Variants in LYAR observed in about 807,000 individuals in gnomAD.
The protein encoded by LYAR is Ly1 antibody reactive, also known as cell growth-regulating nucleolar protein.
A neutral mutation model predicts 45.2 loss-of-function variants in LYAR; 37 were observed. The ratio of observed to expected loss-of-function variants is 0.82; its 90% CI spans 0.63 to 1.08. LYAR has a LOEUF of 1.08. Ranked by LOEUF, LYAR falls within the 50% of genes least tolerant of loss-of-function variation. The pLI, the probability that LYAR is intolerant of heterozygous loss-of-function variation, is 0.00. For synonymous variants in LYAR, 176 were observed against 155.1 expected, an observed-to-expected ratio of 1.14 and a Z score of -1.00; for missense variants, 493 against 451.0, an observed-to-expected ratio of 1.09 and a Z score of -0.84.
At chr4:4,276,385 C>T (rs1194183770) in intron 6 of LYAR, among the ~76,000 whole-genome samples, 1 of 152,036 alleles carries the variant, frequency 6.6e-6, no homozygotes, top group Non-Finnish European at 1.5e-5. Context: ...AGGACTCAGA[C>T]CTTAAGGCTC....
chr4:4,288,675 G>A (rs557786978), intron 1 of LYAR, among the ~76,000 whole-genome samples: 7 of 152,078 alleles, frequency 4.6e-5, no homozygotes, highest in African/African-American at 1.4e-4. Flanking sequence ...TAGTAGAGAC[G>A]GAGTTTCACC....
chr4:4,276,814 G>A (rs1374145563), intron 6 of LYAR, among the ~76,000 whole-genome samples: 1 of 151,974 alleles, frequency 6.6e-6, no homozygotes, highest in Non-Finnish European at 1.5e-5. Flanking sequence ...CCAAGATCGT[G>A]CCACTGTACT....
chr4:4,273,924 G>A (rs189302313), intron 7 of LYAR, among the ~76,000 whole-genome samples: 68 of 152,248 alleles, frequency 4.5e-4, no homozygotes, highest in African/African-American at 1.6e-3. Flanking sequence ...GCTTATGCTC[G>A]TTCCCTTACT....
intron 8 of LYAR, 100 bp from the exon 9 acceptor site, chr4:4,268,715 G>GA: frequency 1.4e-6 from 1 of 719,890 alleles, no homozygotes. Flanking sequence ...CCCAGGAAAT[G>GA]AGCTAACCCT....
At chr4:4,271,869 G>A (rs1718948977) in intron 8 of LYAR, among the ~76,000 whole-genome samples, 2 of 152,298 alleles carry the variant, frequency 1.3e-5, no homozygotes, top group African/African-American at 4.8e-5. Context: ...AATGATGAAA[G>A]GACTGTGATG....
In LYAR at chr4:4,278,160, T is replaced by C. The variant is rs373221678; in HGVS notation, c.429+1287A>G. 2.0e-5 allele frequency among the ~76,000 whole-genome samples: 3 copies of C among 152,206 alleles called. No homozygotes were observed. In the South Asian group the frequency reaches 6.2e-4, roughly 32 times the overall value. ...TAAAGGCCAATCTAATGATCGGTTA[T>C]ACGGTTTCAAAGGGCCAATTTGTAC... On this transcript the variant is annotated intron_variant, in intron 6 of 9. Transcript: ENST00000343470.
At chr4:4,273,715 G>A (rs1357443267) in intron 7 of LYAR, 46 bp from the exon 8 acceptor site, 5 of 1,136,390 alleles carry the variant, frequency 4.4e-6, no homozygotes, top group Non-Finnish European at 5.3e-6. Context: ...TTGCATTTAC[G>A]CTAGCAGCTA....
rs1296308350 is a variant in LYAR, at chr4:4,274,676, T to C, written c.523A>G (p.Lys175Glu). 6.2e-7 allele frequency: 1 copy of C among 1,614,034 alleles called. No homozygotes were observed. The change falls in exon 7 of 10, where the codon AAA becomes GAA. Residue 175 changes from lysine to glutamate, a missense_variant. Transcript: ENST00000343470. ...TCCCCTTGCTGTTCCACGGCGTCTTTCACTTTGGAGGCTGGAACCTTGGTG... is the reference window on the plus strand; with the variant it reads ...TCCCCTTGCTGTTCCACGGCGTCTTCCACTTTGGAGGCTGGAACCTTGGTG... ...ISTKVPASKV[K>E]DAVEQQGEVK...
In LYAR at chr4:4,274,367, C is replaced by A. The variant is rs757619317; in HGVS notation, c.832G>T (p.Val278Phe). 6.2e-7 allele frequency: 1 copy of A among 1,608,022 alleles called. No homozygotes were observed. Among genetic ancestry groups the A allele is most frequent in the East Asian group, 2.2e-5 (1 of 44,772 alleles). ...AGKRKRRHSE[V>F]ETDSKKKKMK... ...CCCAGAGCGTGAGCTAGCCACTTAC[C>A]TTCCGAGTGCCTCCGCTTCCTCTTC... is the stretch of plus-strand genomic sequence containing the variant. Residue 278 changes from valine to phenylalanine, a missense_variant and splice_region_variant, in exon 7 of 10, where the codon GTT becomes TTT. Physicochemically the swap from Val to Phe is conservative, Grantham distance 50. Coordinates refer to ENST00000343470, the MANE Select transcript of LYAR (RefSeq NM_017816.3).
At chr4:4,285,297 G>A (rs576722320) in intron 2 of LYAR, among the ~76,000 whole-genome samples, 27 of 152,268 alleles carry the variant, frequency 1.8e-4, no homozygotes, top group Admixed American at 1.6e-3. Context: ...GACTACCCTC[G>A]ATGTGCTGCA....
chr4:4,267,995 T>G lies in LYAR; in HGVS notation c.1034A>C (p.Asp345Ala). 1 of 1,612,176 alleles carries G rather than the reference T, an allele frequency of 6.2e-7. No individual in the cohort carries two copies. The highest frequency in any genetic ancestry group is 8.5e-7 in the Non-Finnish European group (1 of 1,179,756). ...TTCCTCTTCGGATCTGTGATGCTCA[T>G]CTGTCACTGTGTAGTACTGAGCTAA... ...KVLAQYYTVT[D>A]EHHRSEEELL... Residue 345 changes from aspartate (D) to alanine (A), a missense_variant, in exon 10 of 10, where the codon GAT becomes GCT. Transcript: ENST00000343470.
intron 8 of LYAR, 39 bp from the exon 9 acceptor site, chr4:4,268,654 GT>G: frequency 7.4e-7 from 1 of 1,355,302 alleles, no homozygotes; most frequent in Non-Finnish European, 1.0e-6. Flanking sequence ...ATTTCGTTTT[GT>G]TGTACTACGA....
chr4:4,272,332 AAAAT>A, intron 8 of LYAR, among the ~76,000 whole-genome samples: 2 of 152,308 alleles, frequency 1.3e-5, no homozygotes, highest in South Asian at 4.1e-4. Context: ...AACAACAACA[AAAAT>A]AACCATTCCA....
chr4:4,283,594 G>A (rs766804746), intron 3 of LYAR, 27 bp downstream of exon 3: 9 of 1,599,962 alleles, frequency 5.6e-6, no homozygotes, highest in African/African-American at 4.0e-5. Flanking sequence ...ATTTACTATG[G>A]ATCTACATGA....
intron 1 of LYAR, among the ~76,000 whole-genome samples, chr4:4,287,399 G>C (rs1719659666): frequency 6.6e-6 from 1 of 152,150 alleles, no homozygotes; most frequent in Non-Finnish European, 1.5e-5. Context: ...CAGGTCCTCT[G>C]CGTGTGCTCC....
intron 1 of LYAR, among the ~76,000 whole-genome samples, chr4:4,287,976 TC>T (rs1719680712): frequency 6.6e-6 from 1 of 152,138 alleles, no homozygotes. Context: ...AACTTGTTAG[TC>T]TTCTCTTAAC....
intron 1 of LYAR, among the ~76,000 whole-genome samples, chr4:4,288,183 A>G (rs1255962648): frequency 6.6e-6 from 1 of 152,220 alleles, no homozygotes; most frequent in African/African-American, 2.4e-5. Flanking sequence ...GTTAAATAAG[A>G]CACCAGATAT....
chr4:4,289,023 C>G (rs1036563911), intron 1 of LYAR, among the ~76,000 whole-genome samples: 1 of 152,190 alleles, frequency 6.6e-6, no homozygotes, highest in African/African-American at 2.4e-5. Flanking sequence ...GGGTAGCATT[C>G]TGAGAAACCA....
At position 4,277,221 on chromosome 4, in the gene LYAR, AT is replaced by A. The variant is rs1719218332; in HGVS notation, c.429+2225del. Among the ~76,000 whole-genome samples, 5 of 151,808 alleles carry A rather than the reference AT, an allele frequency of 3.3e-5. No individual in the cohort carries two copies. The South Asian group carries it at 1.0e-3, about 32-fold the overall frequency. ...GCCACCACACCCAGCTAATTTTTGT[AT>A]TTTTAGTAAAGACAGGGTTTCACCA... is the stretch of plus-strand genomic sequence containing the variant. On this transcript the variant is annotated intron_variant, in intron 6 of 9. Coordinates refer to ENST00000343470, the MANE Select transcript of LYAR (RefSeq NM_017816.3).
Sources: allele counts gnomAD v4.1 joint callset (sites outside exome capture counted in the v4.1 genomes callset), GRCh38; gene constraint gnomAD v4.1.1; transcripts MANE v1.5; gene names NCBI Gene and HGNC (gene_info 2026-07-23, HGNC 2026-07-21).